The following NCALD variants were observed in gnomAD, a reference collection of about 807,000 sequenced individuals.
The protein encoded by NCALD is neurocalcin-delta.
NCALD carries 10 observed loss-of-function variants against 18.6 expected under a neutral mutation model. That is an observed-to-expected ratio of 0.54 (90% CI 0.33 to 0.91). The LOEUF (loss-of-function observed/expected upper bound fraction) is 0.91. Among genes scored for constraint, NCALD ranks in the 40% least tolerant of loss-of-function variants. The pLI, the probability that NCALD is intolerant of heterozygous loss-of-function variation, is 0.03. For synonymous variants in NCALD, 88 were observed against 87.4 expected (o/e 1.01, Z -0.04); for missense variants, 184 against 247.6 (o/e 0.74, Z 1.72).
chr8:102,019,333 A>T lies in NCALD; in HGVS notation c.-157+904T>A, dbSNP rs116843994. On this transcript the variant is annotated intron_variant, in intron 2 of 6. Transcript: ENST00000311028. ...ACTCCTGATTGTGGCATAAATTTTT[A>T]AATTGATACACCATTTTTGAAAACT... Among the ~76,000 whole-genome samples, 28 of 152,282 alleles carry T rather than the reference A, an allele frequency of 1.8e-4. No individual in the cohort carries two copies. In the East Asian group the frequency reaches 5.0e-3, roughly 27 times the overall value.
chr8:101,808,139 A>G (rs1395255698), intron 4 of NCALD, among the ~76,000 whole-genome samples: 2 of 152,212 alleles, frequency 1.3e-5, no homozygotes, highest in African/African-American at 4.8e-5. Context: ...AACAGATTTC[A>G]CAGGCTCTAG....
intron 1 of NCALD, among the ~76,000 whole-genome samples, chr8:102,068,879 CA>C (rs1422363670): frequency 6.6e-6 from 1 of 152,176 alleles, no homozygotes; most frequent in Non-Finnish European, 1.5e-5. Context: ...TCATTGGCAG[CA>C]CCATAAATGA....
At chr8:101,868,295 G>A (rs781562758) in intron 4 of NCALD, among the ~76,000 whole-genome samples, 12 of 151,900 alleles carry the variant, frequency 7.9e-5, no homozygotes, top group African/African-American at 2.2e-4. Flanking sequence ...CACTGAGCTC[G>A]CACTGACCTT....
intron 1 of NCALD, among the ~76,000 whole-genome samples, chr8:101,761,804 T>C (rs1811119556): frequency 1.3e-5 from 2 of 152,368 alleles, no homozygotes; most frequent in East Asian, 1.9e-4. Flanking sequence ...GACTAAGTTC[T>C]GGCCAATCAG....
intron 2 of NCALD, among the ~76,000 whole-genome samples, chr8:101,972,528 G>A (rs1055369095): frequency 6.6e-5 from 10 of 152,104 alleles, no homozygotes; most frequent in Non-Finnish European, 1.0e-4. Context: ...GATAATTTCT[G>A]CAGGAACAAT....
chr8:101,751,112 T>C (rs1810637525), intron 1 of NCALD, among the ~76,000 whole-genome samples: 1 of 152,100 alleles, frequency 6.6e-6, no homozygotes, highest in African/African-American at 2.4e-5. Flanking sequence ...AACAGATGAA[T>C]GGATAAACAA....
At chr8:101,904,519 C>T (rs1817545924) in intron 3 of NCALD, among the ~76,000 whole-genome samples, 1 of 152,090 alleles carries the variant, frequency 6.6e-6, no homozygotes, top group Admixed American at 6.6e-5. Context: ...ATCCACATCT[C>T]ACTCCATCCC....
At chr8:102,087,543 C>G (rs895202994) in intron 1 of NCALD, among the ~76,000 whole-genome samples, 5 of 152,156 alleles carry the variant, frequency 3.3e-5, no homozygotes, top group African/African-American at 1.2e-4. Flanking sequence ...CTTGACCAAA[C>G]TTGGGTTTGA....
At chr8:101,964,236 C>T (rs1353538008) in intron 2 of NCALD, among the ~76,000 whole-genome samples, 1 of 152,158 alleles carries the variant, frequency 6.6e-6, no homozygotes, top group Admixed American at 6.6e-5. Context: ...CCGACTTTGA[C>T]ATCAGCTTAT....
intron 2 of NCALD, among the ~76,000 whole-genome samples, chr8:101,938,655 T>TAAA (rs11285546): frequency 8.0e-5 from 12 of 150,114 alleles, no homozygotes; most frequent in African/African-American, 2.9e-4. Flanking sequence ...GAAATAATGG[T>TAAA]AAAAAAAAAA....
intron 2 of NCALD, among the ~76,000 whole-genome samples, chr8:101,924,496 A>G (rs1818272464): frequency 6.6e-6 from 1 of 152,254 alleles, no homozygotes; most frequent in Non-Finnish European, 1.5e-5. Flanking sequence ...AGGAAGTGGA[A>G]AAGGCTTAGT....
chr8:101,697,692 CA>C (rs1474453060), intron 2 of NCALD, among the ~76,000 whole-genome samples: 7 of 151,956 alleles, frequency 4.6e-5, no homozygotes, highest in Non-Finnish European at 8.8e-5. Flanking sequence ...ATATAAATGA[CA>C]AAAAACACAT....
intron 1 of NCALD, among the ~76,000 whole-genome samples, chr8:101,755,717 C>T (rs2130800527): frequency 6.6e-6 from 1 of 152,324 alleles, no homozygotes. Flanking sequence ...CTGTTCTTGG[C>T]TGAAATCCTT....
At chr8:101,894,874 G>A (rs1166752371) in intron 3 of NCALD, among the ~76,000 whole-genome samples, 1 of 150,288 alleles carries the variant, frequency 6.7e-6, no homozygotes, top group Non-Finnish European at 1.5e-5. Context: ...ATAATCAATA[G>A]TTTACCAACC....
intron 2 of NCALD, among the ~76,000 whole-genome samples, chr8:101,971,676 G>A (rs538454797): frequency 5.9e-5 from 9 of 152,204 alleles, no homozygotes; most frequent in African/African-American, 2.2e-4. Flanking sequence ...ATAGCTGTGT[G>A]AGAATGGACT....
At chr8:101,994,389 C>T (rs1821160853) in intron 2 of NCALD, among the ~76,000 whole-genome samples, 1 of 152,160 alleles carries the variant, frequency 6.6e-6, no homozygotes, top group Admixed American at 6.5e-5. Context: ...CCTGGCCCAG[C>T]AGAGTTTTTC....
intron 2 of NCALD, among the ~76,000 whole-genome samples, chr8:101,943,013 G>A (rs1036561293): frequency 1.3e-5 from 2 of 152,166 alleles, no homozygotes; most frequent in Admixed American, 6.5e-5. Context: ...CATTTGAGCT[G>A]GGACTGGAAA....
At chr8:101,930,636 T>A (rs904300100) in intron 2 of NCALD, among the ~76,000 whole-genome samples, 3 of 151,830 alleles carry the variant, frequency 2.0e-5, no homozygotes, top group African/African-American at 7.3e-5. Context: ...AGAGCTCACA[T>A]CTCCTGTTCC....
At chr8:101,710,620 T>C (rs1815739850) in intron 2 of NCALD, among the ~76,000 whole-genome samples, 1 of 152,292 alleles carries the variant, frequency 6.6e-6, no homozygotes, top group African/African-American at 2.4e-5. Flanking sequence ...TAGGTGGTTT[T>C]CCCCCTCACA....
Sources: allele counts gnomAD v4.1 joint callset (sites outside exome capture counted in the v4.1 genomes callset), GRCh38; gene constraint gnomAD v4.1.1; transcripts MANE v1.5; gene names NCBI Gene and HGNC (gene_info 2026-07-23, HGNC 2026-07-21).